Variants in DHRSX observed in about 807,000 individuals in gnomAD.
The protein encoded by DHRSX is dehydrogenase/reductase X-linked.
DHRSX carries 31 observed loss-of-function variants against 34.0 expected under a neutral mutation model. The observed-to-expected ratio is 0.91, with a 90% confidence interval of 0.69 to 1.23. DHRSX has a LOEUF of 1.23. Ranked by LOEUF, DHRSX falls within the 50% of genes most tolerant of loss-of-function variation. The probability of loss-of-function intolerance (pLI) is 0.00; values close to 1 mark genes in which losing one functional copy is unlikely to be tolerated. For missense variants in DHRSX, 414 were observed against 428.1 expected (o/e 0.97, Z 0.29); for synonymous variants, 201 against 183.8 (o/e 1.09, Z -0.76).
In DHRSX at chrX:2,248,770, C is replaced by CA. The variant is rs774283764; in HGVS notation, c.597-5541dup. 8.5e-4 allele frequency among the ~76,000 whole-genome samples: 129 copies of CA among 152,064 alleles called. 1 individual carries two copies. The highest frequency in any genetic ancestry group is 3.7e-3 in the South Asian group (18 of 4,812). On this transcript the variant is annotated intron_variant, in intron 5 of 6. Coordinates refer to ENST00000334651, the MANE Select transcript of DHRSX (RefSeq NM_145177.3). ...GAAGGAAGGCGCACTGCTCAGAGGC[C>CA]AAAAAAATCTAGACAGGCCTGTCTG...
intron 5 of DHRSX, among the ~76,000 whole-genome samples, chrX:2,259,626 T>TGG (rs2041335717): frequency 1.3e-5 from 2 of 152,136 alleles, no homozygotes; most frequent in Admixed American, 1.3e-4. Context: ...AGTGAAGTGA[T>TGG]ACCTTCTGGA....
At chrX:2,311,601 TAAGTA>T (rs1487936779) in intron 3 of DHRSX, among the ~76,000 whole-genome samples, 2 of 152,062 alleles carry the variant, frequency 1.3e-5, no homozygotes, top group Non-Finnish European at 2.9e-5. Context: ...AGAGCTTGTG[TAAGTA>T]AAGAGGAAAG....
At chrX:2,377,491 T>C (rs6567629) in intron 3 of DHRSX, among the ~76,000 whole-genome samples, 110,274 of 151,694 alleles carry the variant, frequency 0.73, 40,284 homozygotes, top group East Asian at 0.78. Flanking sequence ...TGACAGGAGG[T>C]GACCTCAGGC....
chrX:2,282,916 ATAG>A (rs1374195153), intron 4 of DHRSX, among the ~76,000 whole-genome samples: 4 of 151,196 alleles, frequency 2.6e-5, no homozygotes, highest in Non-Finnish European at 5.9e-5. Flanking sequence ...CGAGAGCAAA[ATAG>A]TAGAAGCGGG....
intron 5 of DHRSX, among the ~76,000 whole-genome samples, chrX:2,265,654 G>C (rs756459778): frequency 1.8e-4 from 26 of 140,956 alleles, no homozygotes; most frequent in African/African-American, 6.6e-4. Context: ...CAGACGCAGG[G>C]AGCACTGTAC....
chrX:2,442,989 C>G (rs2044081804), intron 1 of DHRSX, among the ~76,000 whole-genome samples: 1 of 152,072 alleles, frequency 6.6e-6, no homozygotes, highest in African/African-American at 2.4e-5. Context: ...TGAGTATTAC[C>G]TTGAAATCAA....
chrX:2,350,253 A>G (rs1335373767), intron 3 of DHRSX, among the ~76,000 whole-genome samples: 2 of 151,900 alleles, frequency 1.3e-5, no homozygotes, highest in Non-Finnish European at 2.9e-5. Context: ...CCAGAGGCTG[A>G]GGCAGGAGAA....
intron 3 of DHRSX, among the ~76,000 whole-genome samples, chrX:2,387,376 G>A (rs924619192): frequency 3.3e-5 from 5 of 152,016 alleles, no homozygotes; most frequent in East Asian, 1.9e-4. Context: ...GCATTTATTC[G>A]GTATTAACTC....
At chrX:2,291,237 ACCCTTTAG>A (rs2041861356) in intron 4 of DHRSX, among the ~76,000 whole-genome samples, 1 of 152,172 alleles carries the variant, frequency 6.6e-6, no homozygotes, top group South Asian at 2.1e-4. Context: ...TGTGCCTCAT[ACCCTTTAG>A]TCCAAGTGGA....
intron 1 of DHRSX, among the ~76,000 whole-genome samples, chrX:2,484,230 C>G (rs1191918950): frequency 2.0e-5 from 3 of 152,194 alleles, no homozygotes; most frequent in Non-Finnish European, 2.9e-5. Flanking sequence ...GCCTCGGCCT[C>G]CCAAAGTGCT....
chrX:2,397,957 GAT>G (rs2043435067), intron 3 of DHRSX, among the ~76,000 whole-genome samples: 1 of 111,408 alleles, frequency 9.0e-6, no homozygotes. Flanking sequence ...CACACACATA[GAT>G]ACATATGCCA....
At chrX:2,241,618 A>C in intron 6 of DHRSX, among the ~76,000 whole-genome samples, 1 of 152,078 alleles carries the variant, frequency 6.6e-6, no homozygotes, top group East Asian at 1.9e-4. Flanking sequence ...GTCATAAACC[A>C]TTATCTGAGG....
At chrX:2,460,480 T>C (rs1383133456) in intron 1 of DHRSX, among the ~76,000 whole-genome samples, 1 of 152,096 alleles carries the variant, frequency 6.6e-6, no homozygotes, top group East Asian at 1.9e-4. Context: ...TGCAGTGGCA[T>C]GATCGTAGCT....
intron 5 of DHRSX, among the ~76,000 whole-genome samples, chrX:2,262,273 T>A (rs1261946671): frequency 6.6e-6 from 1 of 152,146 alleles, no homozygotes; most frequent in Non-Finnish European, 1.5e-5. Flanking sequence ...ACGCATGTCT[T>A]CCTCTGGGTG....
chrX:2,476,146 C>T (rs1462848366), intron 1 of DHRSX, among the ~76,000 whole-genome samples: 1 of 152,088 alleles, frequency 6.6e-6, no homozygotes, highest in East Asian at 1.9e-4. Context: ...CCAGCACTTT[C>T]GGAGTCCAAG....
At chrX:2,301,619 G>T (rs998111886) in intron 3 of DHRSX, among the ~76,000 whole-genome samples, 38 of 152,052 alleles carry the variant, frequency 2.5e-4, no homozygotes, top group Non-Finnish European at 4.0e-4. Context: ...GCAGGAGCAC[G>T]CCAGGTCTTT....
At position 2,464,423 on chromosome X, in the gene DHRSX, T is replaced by A. The variant is rs76693346; in HGVS notation, c.109+36394A>T. ...ACTGCTACCATATACACACTGAAGA[T>A]GTTCCCTAAGAATGTGGGTAAGGGA... On this transcript the variant is annotated intron_variant, in intron 1 of 6. Transcript: ENST00000334651. 7.6e-3 allele frequency among the ~76,000 whole-genome samples: 596 copies of A among 78,406 alleles called. 3 individuals carry two copies. Among genetic ancestry groups the A allele is most frequent in the Non-Finnish European group, 0.012 (459 of 36,776 alleles). The allele number at this position is 78,406 out of a possible 152,430, so 51.4% of individuals were successfully genotyped here. A position where few individuals can be genotyped will look rare whatever the true frequency, so the allele number is the denominator to read the frequency against.
chrX:2,345,493 A>G (rs2042694787), intron 3 of DHRSX, among the ~76,000 whole-genome samples: 1 of 151,826 alleles, frequency 6.6e-6, no homozygotes, highest in Middle Eastern at 3.2e-3. Flanking sequence ...AAAAATAAAA[A>G]TAAATTAGCT....
chrX:2,444,835 CA>C (rs71309499), intron 1 of DHRSX, among the ~76,000 whole-genome samples: 14 of 146,588 alleles, frequency 9.6e-5, no homozygotes, highest in South Asian at 2.1e-4. Context: ...ACCCAGTCTC[CA>C]AAAAAAAAAT....
Sources: gnomAD v4.1 joint callset for allele counts (sites outside exome capture counted in the v4.1 genomes callset) on GRCh38, gnomAD v4.1.1 for gene constraint, MANE v1.5 for transcripts, NCBI Gene and HGNC (gene_info 2026-07-23, HGNC 2026-07-21) for gene names.